LINC00237: variants seen among roughly 807,000 people sequenced by gnomAD.
LINC00237 encodes the protein long independently transcribed non-coding RNA 237.
exon 4 of LINC00237, among the ~76,000 whole-genome samples, chr20:21,085,618 A>G (rs2030681161): frequency 6.6e-6 from 1 of 152,140 alleles, no homozygotes; most frequent in Non-Finnish European, 1.5e-5. Flanking sequence ...CAAAAACAGG[A>G]AAAATTAACC....
intron 1 of LINC00237, among the ~76,000 whole-genome samples, chr20:21,095,269 G>A (rs1404352625): frequency 6.6e-6 from 1 of 152,150 alleles, no homozygotes; most frequent in Non-Finnish European, 1.5e-5. Flanking sequence ...GGTACAGAAT[G>A]ATTAGAGGTC....
intron 1 of LINC00237, among the ~76,000 whole-genome samples, chr20:21,105,294 A>T (rs1020492803): frequency 1.8e-5 from 1 of 55,088 alleles, no homozygotes; most frequent in Non-Finnish European, 3.9e-5. Flanking sequence ...CCCGCCCCCC[A>T]CCCCAAGGTG....
At chr20:21,104,691 G>T (rs767585552) in intron 1 of LINC00237, among the ~76,000 whole-genome samples, 76 of 152,166 alleles carry the variant, frequency 5.0e-4, no homozygotes, top group Non-Finnish European at 8.7e-4. Flanking sequence ...TCCTGGAATT[G>T]CAGTCACAAC....
intron 1 of LINC00237, chr20:21,106,127 CT>C: frequency 6.6e-6 from 1 of 152,606 alleles, no homozygotes; most frequent in Non-Finnish European, 1.5e-5. Context: ...TTCCACGCGC[CT>C]TTGCCGGGGA....
intron 2 of LINC00237, chr20:21,089,906 T>C (rs2030769651): frequency 6.6e-6 from 1 of 152,232 alleles, no homozygotes; most frequent in African/African-American, 2.4e-5. Flanking sequence ...AGGTAGGAAA[T>C]ATTTATGCCA....
chr20:21,089,894 T>C (rs2030769487), intron 2 of LINC00237: 2 of 152,232 alleles, frequency 1.3e-5, no homozygotes, highest in Admixed American at 1.3e-4. Flanking sequence ...GTTCCGCATA[T>C]AAGGTAGGAA....
intron 1 of LINC00237, among the ~76,000 whole-genome samples, chr20:21,095,391 C>T (rs2030844394): frequency 6.6e-6 from 1 of 152,048 alleles, no homozygotes; most frequent in South Asian, 2.1e-4. Flanking sequence ...AAATTCTGAC[C>T]AATGGAATTG....
chr20:21,097,883 C>T lies in LINC00237; in HGVS notation n.89-4031G>A, dbSNP rs150015093. On this transcript the variant is annotated intron_variant and non_coding_transcript_variant, in intron 1 of 3. Coordinates refer to ENST00000691244, the Ensembl canonical transcript of LINC00237. ...CTCATCAACTTTAATGGTATCCAGA[C>T]GGCTTTTCTGGAGAGGGCTCATTAG... Among the ~76,000 whole-genome samples, 174 of 152,250 alleles carry T rather than the reference C, an allele frequency of 1.1e-3. 1 individual carries two copies. Among genetic ancestry groups the T allele is most frequent in the African/African-American group, 4.1e-3 (169 of 41,530 alleles).
At position 21,101,913 on chromosome 20, in the gene LINC00237, C is replaced by G. The variant is rs114036526; in HGVS notation, n.88+4358G>C. ...GTGCGGCGAGGGGTGAGGGCGCGAC[C>G]GCCTTGGGGCAGGGGCGGCGATGGA... On this transcript the variant is annotated intron_variant and non_coding_transcript_variant, in intron 1 of 3. Coordinates refer to ENST00000691244, the Ensembl canonical transcript of LINC00237. The surrounding 1 kb of genome is among the most constrained non-coding windows in gnomAD (Gnocchi z 4.3). Among the ~76,000 whole-genome samples, 1 of 152,122 alleles carries G rather than the reference C, an allele frequency of 6.6e-6. No individual in the cohort carries two copies. Among genetic ancestry groups the G allele is most frequent in the Admixed American group, 6.5e-5 (1 of 15,274 alleles).
At chr20:21,091,410 C>G (rs1600310789) in intron 2 of LINC00237, among the ~76,000 whole-genome samples, 1 of 152,154 alleles carries the variant, frequency 6.6e-6, no homozygotes, top group East Asian at 1.9e-4. Context: ...AAAGAGTGGA[C>G]TAGCAACTTG....
Position 21,103,805 on chromosome 20 carries a change from C to T in LINC00237, n.88+2466G>A, listed in dbSNP as rs185421185. On this transcript the variant is annotated intron_variant and non_coding_transcript_variant, in intron 1 of 3. Transcript: ENST00000691244. ...GTCGAGCGAACAATGCCACCCCACG[C>T]GTCACTGATCGACTCATCTTGCAGG... Among the ~76,000 whole-genome samples, 38 of 152,284 alleles carry T rather than the reference C, an allele frequency of 2.5e-4. No homozygotes were observed. The East Asian group carries it at 7.0e-3, about 28-fold the overall frequency.
chr20:21,098,739 T>C (rs78045441), intron 1 of LINC00237, among the ~76,000 whole-genome samples: 2,214 of 152,296 alleles, frequency 0.015, 81 homozygotes, highest in East Asian at 0.088. Context: ...ACATCAAACA[T>C]GTGGGAATGT....
rs1169266843 is a variant in LINC00237 at position 21,101,060 on chromosome 20, G to A, written n.88+5211C>T. 6.6e-6 allele frequency among the ~76,000 whole-genome samples: 1 copy of A among 152,192 alleles called. No individual in the cohort carries two copies. The highest frequency in any genetic ancestry group is 1.5e-5 in the Non-Finnish European group (1 of 68,040). On this transcript the variant is annotated intron_variant and non_coding_transcript_variant, in intron 1 of 3. Coordinates refer to ENST00000691244, the Ensembl canonical transcript of LINC00237. This position sits in a 1 kb window ranked among gnomAD's most constrained non-coding sequence, Gnocchi z 4.3. Reference sequence around the variant, plus strand: ...ATCCCGCGACAAACAGCCCCACCGAGAGCCGCTGAATGGGCGTGATTAGCA... The same window carrying A: ...ATCCCGCGACAAACAGCCCCACCGAAAGCCGCTGAATGGGCGTGATTAGCA...
At chr20:21,102,717 G>A (rs951678868) in intron 1 of LINC00237, among the ~76,000 whole-genome samples, 1 of 150,820 alleles carries the variant, frequency 6.6e-6, no homozygotes, top group East Asian at 1.9e-4. Flanking sequence ...AAAAAAAGGA[G>A]GGGGAGAGAG....
chr20:21,102,695 A>AC (rs2030947278), intron 1 of LINC00237, among the ~76,000 whole-genome samples: 2 of 111,152 alleles, frequency 1.8e-5, no homozygotes, highest in Admixed American at 1.8e-4. Flanking sequence ...CTATTTTATA[A>AC]GAAAAAAAAA....
rs1183141669 is a variant in LINC00237, at chr20:21,101,825, G to GC, written n.88+4445dup. Among the ~76,000 whole-genome samples, 5 of 152,012 alleles carry GC rather than the reference G, an allele frequency of 3.3e-5. No individual in the cohort carries two copies. The highest frequency in any genetic ancestry group is 1.2e-4 in the African/African-American group (5 of 41,418). ...GGATGGAGGTGGGAGTTGGAACACA[G>GC]CCCCCTAGCTGAGTGCAGGGGCCAG... On this transcript the variant is annotated intron_variant and non_coding_transcript_variant, in intron 1 of 3. Transcript: ENST00000691244. This position sits in a 1 kb window ranked among gnomAD's most constrained non-coding sequence, Gnocchi z 4.3.
In LINC00237 at chr20:21,092,636, T is replaced by C. The variant is rs189816977; in HGVS notation, n.472+833A>G. Among the ~76,000 whole-genome samples, 4 of 152,306 alleles carry C rather than the reference T, an allele frequency of 2.6e-5. No individual in the cohort carries two copies. In the East Asian group the frequency reaches 7.7e-4, roughly 29 times the overall value. ...TCAAATTGGCACCAAAAGATTCTTT[T>C]CAATTAACAGAATGGCCAGTCTTCC... On this transcript the variant is annotated intron_variant and non_coding_transcript_variant, in intron 2 of 3. Coordinates refer to ENST00000691244, the Ensembl canonical transcript of LINC00237.
chr20:21,093,775 C>A (rs1401068783), exon 2 of LINC00237: 1 of 152,302 alleles, frequency 6.6e-6, no homozygotes, highest in Non-Finnish European at 1.5e-5. Context: ...TCCACAGGGA[C>A]ACTTCCTCCT....
At chr20:21,105,729 A>G (rs529421734) in intron 1 of LINC00237, among the ~76,000 whole-genome samples, 1 of 152,308 alleles carries the variant, frequency 6.6e-6, no homozygotes, top group African/African-American at 2.4e-5. Flanking sequence ...ATCCGGCTGG[A>G]AACCCCGGAG....
Sources: gnomAD v4.1 joint callset for allele counts (sites outside exome capture counted in the v4.1 genomes callset) on GRCh38, gnomAD v4.1.1 for gene constraint, Gnocchi (gnomAD v3.1) non-coding constraint, MANE v1.5 for transcripts, NCBI Gene and HGNC (gene_info 2026-07-23, HGNC 2026-07-21) for gene names.